Variants in PTPRD observed in about 807,000 individuals in gnomAD.
PTPRD encodes protein tyrosine phosphatase receptor type D, also known as receptor-type tyrosine-protein phosphatase delta.
Under a neutral mutation model 214.5 loss-of-function variants are expected in PTPRD, and 34 were observed. The ratio of observed to expected loss-of-function variants is 0.16; its 90% CI spans 0.12 to 0.21. The LOEUF (loss-of-function observed/expected upper bound fraction) is 0.21. Among genes scored for constraint, PTPRD ranks in the 10% least tolerant of loss-of-function variants. The probability of loss-of-function intolerance (pLI) is 1.00; values close to 1 mark genes in which losing one functional copy is unlikely to be tolerated. For missense variants in PTPRD, 2,545 were observed against 2,398.7 expected, an observed-to-expected ratio of 1.06 and a Z score of -1.27; for synonymous variants, 1,128 against 845.7, an observed-to-expected ratio of 1.33 and a Z score of -5.79.
intron 12 of PTPRD, among the ~76,000 whole-genome samples, chr9:8,656,174 G>C (rs915244387): frequency 6.6e-6 from 1 of 152,146 alleles, no homozygotes; most frequent in Admixed American, 6.5e-5. Flanking sequence ...CATATTCTCT[G>C]AGACCAGATC....
chr9:10,556,507 A>C (rs923170622), intron 2 of PTPRD, among the ~76,000 whole-genome samples: 1 of 152,118 alleles, frequency 6.6e-6, no homozygotes, highest in African/African-American at 2.4e-5. Context: ...GAAAATACTG[A>C]GAGTCACGTG....
intron 11 of PTPRD, among the ~76,000 whole-genome samples, chr9:8,807,335 TCAACAA>T (rs896007052): frequency 1.3e-5 from 2 of 151,932 alleles, no homozygotes; most frequent in African/African-American, 4.8e-5. Context: ...AGACTCCATC[TCAACAA>T]CAACAACAAC....
rs1306186111 is a variant in PTPRD at position 10,340,944 on chromosome 9, G to A, written c.-545+19C>T. ...TTCAGTTTCTTATTATCTATTTCTAGTTCACAGATATTACTTACTAGTTGT... is the reference window on the plus strand; with the variant it reads ...TTCAGTTTCTTATTATCTATTTCTAATTCACAGATATTACTTACTAGTTGT... On this transcript the variant is annotated intron_variant, in intron 3 of 45. Transcript: ENST00000381196. The A allele has an allele frequency of 2.6e-5, 4 of 151,868 alleles. No individual in the cohort carries two copies. The highest frequency in any genetic ancestry group is 5.9e-5 in the Non-Finnish European group (4 of 67,892). 9.4% of individuals were successfully genotyped at this position (151,868 alleles called of 1,614,324 possible).
chr9:10,287,242 G>A (rs897463746), intron 3 of PTPRD, among the ~76,000 whole-genome samples: 7 of 152,154 alleles, frequency 4.6e-5, no homozygotes, highest in African/African-American at 1.7e-4. Context: ...TGTGCTAACT[G>A]TGATACTTTT....
At chr9:9,724,510 C>G (rs558733639) in intron 7 of PTPRD, among the ~76,000 whole-genome samples, 1 of 151,970 alleles carries the variant, frequency 6.6e-6, no homozygotes, top group Admixed American at 6.6e-5. Context: ...AGCCTTACTC[C>G]CATAATTAAA....
intron 8 of PTPRD, among the ~76,000 whole-genome samples, chr9:9,492,735 G>T (rs149298025): frequency 2.7e-4 from 41 of 150,568 alleles, no homozygotes; most frequent in African/African-American, 9.3e-4. Context: ...TTTTTTTCCA[G>T]ATTGGAGGTT....
chr9:10,155,515 T>C (rs2099087422), intron 3 of PTPRD, among the ~76,000 whole-genome samples: 1 of 152,144 alleles, frequency 6.6e-6, no homozygotes, highest in African/African-American at 2.4e-5. Context: ...AGGGACTCCT[T>C]GTCTTGTGAC....
At chr9:9,855,166 C>A (rs2061311559) in intron 5 of PTPRD, among the ~76,000 whole-genome samples, 1 of 152,118 alleles carries the variant, frequency 6.6e-6, no homozygotes, top group Non-Finnish European at 1.5e-5. Flanking sequence ...AGCCTTTCTT[C>A]TTTTACAAGA....
At chr9:10,496,849 G>C (rs772651747) in intron 2 of PTPRD, among the ~76,000 whole-genome samples, 4 of 151,956 alleles carry the variant, frequency 2.6e-5, no homozygotes, top group African/African-American at 4.8e-5. Context: ...ATAGATTCTG[G>C]ATATTAGACC....
At chr9:8,526,225 T>G (rs185490999) in intron 17 of PTPRD, among the ~76,000 whole-genome samples, 1 of 127,944 alleles carries the variant, frequency 7.8e-6, no homozygotes, top group East Asian at 2.2e-4. Context: ...AGAAAAAAAA[T>G]GATCTTTTTT....
chr9:8,912,810 T>C (rs1456870748), intron 11 of PTPRD, among the ~76,000 whole-genome samples: 1 of 152,166 alleles, frequency 6.6e-6, no homozygotes, highest in Non-Finnish European at 1.5e-5. Context: ...TGAATTTCTG[T>C]AGAACCCTGG....
intron 11 of PTPRD, among the ~76,000 whole-genome samples, chr9:8,892,612 T>C (rs2098550047): frequency 6.8e-6 from 1 of 147,096 alleles, no homozygotes; most frequent in African/African-American, 2.5e-5. Flanking sequence ...TATGTGTGTA[T>C]ATATATGTGT....
At chr9:9,847,019 C>T (rs1316156453) in intron 5 of PTPRD, among the ~76,000 whole-genome samples, 5 of 151,958 alleles carry the variant, frequency 3.3e-5, no homozygotes, top group African/African-American at 9.7e-5. Context: ...ATAAAGCATC[C>T]AGACATTCAA....
intron 9 of PTPRD, among the ~76,000 whole-genome samples, chr9:9,371,149 C>T (rs956734904): frequency 1.3e-5 from 2 of 152,000 alleles, no homozygotes; most frequent in Admixed American, 1.3e-4. Flanking sequence ...GGGAGGATTC[C>T]CTCTTTTTCC....
chr9:9,177,113 G>T (rs1410039588), intron 10 of PTPRD, among the ~76,000 whole-genome samples: 1 of 152,112 alleles, frequency 6.6e-6, no homozygotes, highest in East Asian at 1.9e-4. Flanking sequence ...GGTTGGGGAG[G>T]TCTCAGGAAA....
chr9:10,402,673 T>C (rs1040123323), intron 2 of PTPRD, among the ~76,000 whole-genome samples: 2 of 151,750 alleles, frequency 1.3e-5, no homozygotes, highest in African/African-American at 4.8e-5. Flanking sequence ...ATAAATGAAA[T>C]ACCTTAGTTG....
intron 3 of PTPRD, among the ~76,000 whole-genome samples, chr9:10,139,080 T>C (rs2098963290): frequency 6.6e-6 from 1 of 152,106 alleles, no homozygotes; most frequent in South Asian, 2.1e-4. Context: ...GGCATCCAAA[T>C]AGAAAAAGAA....
chr9:8,852,160 T>C (rs899314053), intron 11 of PTPRD, among the ~76,000 whole-genome samples: 1 of 152,176 alleles, frequency 6.6e-6, no homozygotes, highest in African/African-American at 2.4e-5. Flanking sequence ...AAAGCAGTAC[T>C]GAGAAATGCT....
chr9:10,188,324 A>C (rs2154316913), intron 3 of PTPRD, among the ~76,000 whole-genome samples: 1 of 152,270 alleles, frequency 6.6e-6, no homozygotes, highest in East Asian at 1.9e-4. Context: ...TACTCTGTTT[A>C]ATCTTAAATA....
Sources: gnomAD v4.1 joint callset for allele counts (sites outside exome capture counted in the v4.1 genomes callset) on GRCh38, gnomAD v4.1.1 for gene constraint, MANE v1.5 for transcripts, NCBI Gene and HGNC (gene_info 2026-07-23, HGNC 2026-07-21) for gene names.